ITGAE: variants seen among roughly 807,000 people sequenced by gnomAD.
ITGAE encodes the protein integrin alpha-E.
A neutral mutation model predicts 136.5 loss-of-function variants in ITGAE; 99 were observed. The ratio of observed to expected loss-of-function variants is 0.73; its 90% CI spans 0.62 to 0.86. The LOEUF is 0.86. Ranked by LOEUF, ITGAE falls within the 40% of genes least tolerant of loss-of-function variation. The pLI is 0.00. For missense variants in ITGAE, 1,447 were observed against 1,515.3 expected (o/e 0.95, Z 0.75); for synonymous variants, 613 against 591.8 (o/e 1.04, Z -0.52).
At chr17:3,751,602 A>G (rs1424171884) in intron 15 of ITGAE, 48 bp downstream of exon 15, 1 of 1,542,754 alleles carries the variant, frequency 6.5e-7, no homozygotes, top group South Asian at 1.1e-5. Context: ...CATATCTGAG[A>G]GAGGTCAGAG....
At chr17:3,750,179 T>A (rs1308195365) in intron 16 of ITGAE, among the ~76,000 whole-genome samples, 173 bp downstream of exon 16, 1 of 146,978 alleles carries the variant, frequency 6.8e-6, no homozygotes, top group East Asian at 2.0e-4. Flanking sequence ...GCCCAAAGGC[T>A]GAGAGGGCTG....
At chr17:3,749,660 C>A (rs1597329630) in intron 16 of ITGAE, among the ~76,000 whole-genome samples, 1 of 152,014 alleles carries the variant, frequency 6.6e-6, no homozygotes, top group Non-Finnish European at 1.5e-5. Flanking sequence ...GACAGACGGG[C>A]GCTCCATGAG....
chr17:3,750,098 C>T (rs1290326892), intron 16 of ITGAE, among the ~76,000 whole-genome samples: 1 of 152,212 alleles, frequency 6.6e-6, no homozygotes, highest in Non-Finnish European at 1.5e-5. Flanking sequence ...TATTCGCTTG[C>T]ATGATCCTCA....
chr17:3,786,041 C>T (rs1455758339), intron 1 of ITGAE, among the ~76,000 whole-genome samples: 1 of 151,774 alleles, frequency 6.6e-6, no homozygotes. Flanking sequence ...GTGGCGGGCG[C>T]CTGTAGTCCC....
Position 3,798,541 on chromosome 17 carries a change from G to C in ITGAE, c.34+2570C>G, listed in dbSNP as rs1270313462. Among the ~76,000 whole-genome samples, 1 of 152,116 alleles carries C rather than the reference G, an allele frequency of 6.6e-6. No homozygotes were observed. The highest frequency in any genetic ancestry group is 1.9e-4 in the East Asian group (1 of 5,192). ...GCCAAGGACCTCCCCGTCCTTCAGA[G>C]CCCACCTCAGATGCTACAGTCTCCC... is the stretch of plus-strand genomic sequence containing the variant. On this transcript the variant is annotated intron_variant, in intron 1 of 30. Transcript: ENST00000263087. The surrounding 1 kb of genome is among the most constrained non-coding windows in gnomAD (Gnocchi z 4.3).
rs1407454449 is a variant in ITGAE, at chr17:3,799,704, A to T, written c.34+1407T>A. 6.6e-6 allele frequency among the ~76,000 whole-genome samples: 1 copy of T among 152,246 alleles called. No homozygotes were observed. The highest frequency in any genetic ancestry group is 2.4e-5 in the African/African-American group (1 of 41,468). The stretch of plus-strand genomic sequence containing the variant: ...TAATGGGAGATCAAAGCCACAAGCC[A>T]TAAAAAGAGTGAGACTCTCTCCACA... On this transcript the variant is annotated intron_variant, in intron 1 of 30. Coordinates refer to ENST00000263087, the MANE Select transcript of ITGAE (RefSeq NM_002208.5). This position sits in a 1 kb window ranked among gnomAD's most constrained non-coding sequence, Gnocchi z 4.1.
intron 12 of ITGAE, 104 bp from the exon 13 acceptor site, chr17:3,754,029 G>C: frequency 1.5e-6 from 2 of 1,348,590 alleles, no homozygotes; most frequent in Non-Finnish European, 2.0e-6. Context: ...GGCCTGGGGA[G>C]GGGGGCAAAA....
chr17:3,799,421 A>T lies in ITGAE; in HGVS notation c.34+1690T>A, dbSNP rs1213095979. ...TTGGGAAGGGCCTAGGCCTCAAAAG[A>T]GGTTTGATCGATGCCACCTGCTGGA... On this transcript the variant is annotated intron_variant, in intron 1 of 30. Transcript: ENST00000263087. This position sits in a 1 kb window ranked among gnomAD's most constrained non-coding sequence, Gnocchi z 4.1. Among the ~76,000 whole-genome samples, 4 of 151,966 alleles carry T rather than the reference A, an allele frequency of 2.6e-5. No individual in the cohort carries two copies. Among genetic ancestry groups the T allele is most frequent in the Non-Finnish European group, 4.4e-5 (3 of 67,998 alleles).
chr17:3,723,489 G>A, intron 27 of ITGAE, 106 bp from the exon 28 acceptor site: 1 of 1,021,360 alleles, frequency 9.8e-7, no homozygotes, highest in Non-Finnish European at 1.5e-6. Flanking sequence ...AATAGAGGGT[G>A]TGAGCAATTT....
chr17:3,775,618 C>G (rs373551006), intron 2 of ITGAE, among the ~76,000 whole-genome samples: 45 of 150,132 alleles, frequency 3.0e-4, no homozygotes, highest in African/African-American at 1.0e-3. Flanking sequence ...CGCCACCACA[C>G]CCAGCTAATT....
At chr17:3,750,054 C>A (rs1388591623) in intron 16 of ITGAE, among the ~76,000 whole-genome samples, 1 of 152,168 alleles carries the variant, frequency 6.6e-6, no homozygotes, top group Admixed American at 6.6e-5. Context: ...GCAATCACAG[C>A]CATCGCTGAG....
At position 3,761,009 on chromosome 17, in the gene ITGAE, T is replaced by C; in HGVS notation, c.598+4A>G. On this transcript the variant is annotated splice_donor_region_variant and intron_variant, in intron 6 of 30. Transcript: ENST00000263087. Reference sequence around the variant, plus strand: ...CAGAGCAACCCAGATCTGCCTCTTCTCACCAGCTTCCTCCTCCTCCTCGTC... The same window carrying C: ...CAGAGCAACCCAGATCTGCCTCTTCCCACCAGCTTCCTCCTCCTCCTCGTC... 1 of 1,599,048 alleles carries C rather than the reference T, an allele frequency of 6.3e-7. No individual in the cohort carries two copies. The highest frequency in any genetic ancestry group is 8.5e-7 in the Non-Finnish European group (1 of 1,178,936).
At chr17:3,756,846 G>T in intron 10 of ITGAE, 138 bp downstream of exon 10, 3 of 936,714 alleles carry the variant, frequency 3.2e-6, no homozygotes, top group Non-Finnish European at 4.7e-6. Context: ...CCCGGCCATT[G>T]CCTTTTTAGA....
At chr17:3,716,593 G>C in intron 30 of ITGAE, 95 bp downstream of exon 30, 1 of 741,490 alleles carries the variant, frequency 1.3e-6, no homozygotes, top group Non-Finnish European at 2.4e-6. Flanking sequence ...GGCCAGGGCA[G>C]CTGCTCTAAG....
intron 26 of ITGAE, chr17:3,724,922 C>A: frequency 6.2e-7 from 1 of 1,613,736 alleles, no homozygotes; most frequent in Non-Finnish European, 8.5e-7. Context: ...GGGGAATAGA[C>A]AGGCTGGAGA....
At chr17:3,773,592 C>T (rs2052477088) in intron 2 of ITGAE, among the ~76,000 whole-genome samples, 1 of 151,952 alleles carries the variant, frequency 6.6e-6, no homozygotes, top group African/African-American at 2.4e-5. Flanking sequence ...CATGCCCTCT[C>T]GGGGGCCACC....
intron 26 of ITGAE, chr17:3,724,105 C>A: frequency 1.3e-6 from 2 of 1,594,622 alleles, no homozygotes; most frequent in Non-Finnish European, 1.7e-6. Context: ...ATCGGCGACC[C>A]CTCGCAGTCC....
Position 3,777,651 on chromosome 17 carries a change from AG to A in ITGAE, c.43del (p.Leu15CysfsTer68). 6.2e-7 allele frequency: 1 copy of A among 1,613,072 alleles called. No individual in the cohort carries two copies. The highest frequency in any genetic ancestry group is 8.5e-7 in the Non-Finnish European group (1 of 1,179,586). On this transcript the variant is annotated frameshift_variant, in exon 2 of 31. Transcript: ENST00000263087. LOFTEE classifies it high-confidence loss of function. ...CACATCCACATTGAAAGCGGCCAGC[AG>A]GGCCAGGCCTGTAGGGAAAAGAGGA... ...HTLLCIASLA[L>X]LAAFNVDVAR...
At chr17:3,715,822 CACT>C (rs748629345) in intron 30 of ITGAE, among the ~76,000 whole-genome samples, 6 of 151,980 alleles carry the variant, frequency 3.9e-5, no homozygotes, top group Non-Finnish European at 8.8e-5. Flanking sequence ...TTAACTGTGC[CACT>C]GAGCTCCAGC....
Sources: allele counts gnomAD v4.1 joint callset (sites outside exome capture counted in the v4.1 genomes callset), GRCh38; gene constraint gnomAD v4.1.1; non-coding constraint Gnocchi (gnomAD v3.1); transcripts MANE v1.5; gene names NCBI Gene and HGNC (gene_info 2026-07-23, HGNC 2026-07-21).